The following SPAG16 variants were observed in gnomAD, a reference collection of about 807,000 sequenced individuals.
The protein encoded by SPAG16 is sperm-associated antigen 16 protein.
A neutral mutation model predicts 80.4 loss-of-function variants in SPAG16; 86 were observed. That is an observed-to-expected ratio of 1.07 (90% confidence interval 0.90 to 1.28). The LOEUF is 1.28. Ranked by LOEUF, SPAG16 falls within the 50% of genes most tolerant of loss-of-function variation. The pLI, the probability that SPAG16 is intolerant of heterozygous loss-of-function variation, is 0.00. For missense variants in SPAG16, 870 were observed against 765.3 expected, an observed-to-expected ratio of 1.14 and a Z score of -1.61; for synonymous variants, 294 against 265.9, an observed-to-expected ratio of 1.11 and a Z score of -1.03.
intron 11 of SPAG16, among the ~76,000 whole-genome samples, chr2:213,928,674 A>G (rs2078604759): frequency 6.6e-6 from 1 of 152,198 alleles, no homozygotes; most frequent in African/African-American, 2.4e-5. Context: ...TACTTACTCT[A>G]AAGCATTTAC....
chr2:214,379,207 C>A (rs1559256416), intron 15 of SPAG16, among the ~76,000 whole-genome samples: 1 of 152,130 alleles, frequency 6.6e-6, no homozygotes, highest in African/African-American at 2.4e-5. Flanking sequence ...TTATAAATAT[C>A]CAACATGACA....
intron 9 of SPAG16, among the ~76,000 whole-genome samples, chr2:213,433,525 A>C (rs2125495069): frequency 6.6e-6 from 1 of 152,348 alleles, no homozygotes; most frequent in East Asian, 1.9e-4. Flanking sequence ...AAAAATAGTT[A>C]GTAATATATT....
At chr2:213,870,686 A>G (rs1164485857) in intron 11 of SPAG16, among the ~76,000 whole-genome samples, 1 of 152,222 alleles carries the variant, frequency 6.6e-6, no homozygotes, top group East Asian at 1.9e-4. Context: ...TGATCTCAGA[A>G]TCAGCATTTG....
intron 15 of SPAG16, among the ~76,000 whole-genome samples, chr2:214,203,923 G>C (rs531131849): frequency 3.3e-5 from 5 of 152,292 alleles, no homozygotes; most frequent in African/African-American, 1.2e-4. Flanking sequence ...CCGGGAGGCT[G>C]GTTGTTGGAG....
intron 11 of SPAG16, among the ~76,000 whole-genome samples, chr2:213,907,235 T>A (rs980431491): frequency 4.6e-5 from 7 of 152,056 alleles, no homozygotes; most frequent in South Asian, 4.1e-4. Flanking sequence ...AATAGACATA[T>A]TTTAAAAGAA....
At chr2:213,351,219 A>G (rs1445447054) in intron 7 of SPAG16, among the ~76,000 whole-genome samples, 1 of 152,186 alleles carries the variant, frequency 6.6e-6, no homozygotes, top group East Asian at 1.9e-4. Context: ...GTTAGAAGAA[A>G]AAACTTAGCC....
chr2:213,724,191 G>T (rs199754840), intron 10 of SPAG16, among the ~76,000 whole-genome samples: 1 of 152,180 alleles, frequency 6.6e-6, no homozygotes, highest in East Asian at 1.9e-4. Flanking sequence ...AGCTCACTGG[G>T]ACGTTATAGA....
chr2:213,536,158 A>T (rs917489514), intron 10 of SPAG16, among the ~76,000 whole-genome samples: 2 of 152,014 alleles, frequency 1.3e-5, no homozygotes, highest in Admixed American at 1.3e-4. Context: ...TTTCAAGAGG[A>T]TGTTGATTTT....
intron 15 of SPAG16, among the ~76,000 whole-genome samples, chr2:214,375,076 A>T (rs969277094): frequency 1.3e-5 from 2 of 152,146 alleles, no homozygotes; most frequent in Non-Finnish European, 2.9e-5. Flanking sequence ...AGAACAGGGT[A>T]TCTCACCTTA....
chr2:213,934,805 A>T (rs2078918214), intron 12 of SPAG16, among the ~76,000 whole-genome samples: 1 of 152,188 alleles, frequency 6.6e-6, no homozygotes, highest in Non-Finnish European at 1.5e-5. Context: ...GAAGCCTATT[A>T]TTGAAACTGA....
At chr2:214,277,701 C>T (rs965105673) in intron 15 of SPAG16, among the ~76,000 whole-genome samples, 3 of 152,168 alleles carry the variant, frequency 2.0e-5, no homozygotes, top group Non-Finnish European at 4.4e-5. Context: ...GGGGAACCCA[C>T]ATGTATGAGG....
intron 15 of SPAG16, among the ~76,000 whole-genome samples, chr2:214,161,718 T>G (rs1425860593): frequency 6.6e-6 from 1 of 152,048 alleles, no homozygotes; most frequent in Non-Finnish European, 1.5e-5. Context: ...GAAAAATAGC[T>G]AACCCACGCT....
At chr2:213,891,567 G>T (rs975847857) in intron 11 of SPAG16, among the ~76,000 whole-genome samples, 1 of 152,038 alleles carries the variant, frequency 6.6e-6, no homozygotes, top group African/African-American at 2.4e-5. Context: ...AAGAAAAGAT[G>T]ATTAAAAGCA....
intron 15 of SPAG16, among the ~76,000 whole-genome samples, chr2:214,280,200 C>T (rs932864973): frequency 4.6e-5 from 7 of 151,916 alleles, no homozygotes; most frequent in African/African-American, 1.2e-4. Flanking sequence ...ATTCACCATG[C>T]GAACTAAAAA....
intron 5 of SPAG16, among the ~76,000 whole-genome samples, chr2:213,318,779 A>G (rs896039682): frequency 5.9e-5 from 9 of 152,110 alleles, no homozygotes; most frequent in Admixed American, 3.3e-4. Flanking sequence ...ACTTTTAAAT[A>G]TAAACTGCAC....
intron 7 of SPAG16, among the ~76,000 whole-genome samples, chr2:213,356,999 G>A (rs1373112894): frequency 3.3e-5 from 5 of 151,904 alleles, no homozygotes; most frequent in African/African-American, 7.3e-5. Flanking sequence ...CCTTAATTTC[G>A]TTATGTACCC....
chr2:213,712,227 A>C (rs2066028213), intron 10 of SPAG16, among the ~76,000 whole-genome samples: 1 of 152,194 alleles, frequency 6.6e-6, no homozygotes, highest in South Asian at 2.1e-4. Context: ...ACCAAGGCAA[A>C]TGTCCTCAAA....
At chr2:213,412,518 T>A (rs1196183980) in intron 9 of SPAG16, among the ~76,000 whole-genome samples, 1 of 152,238 alleles carries the variant, frequency 6.6e-6, no homozygotes, top group Non-Finnish European at 1.5e-5. Flanking sequence ...TGAATCAAAG[T>A]TTTATCCTAT....
intron 9 of SPAG16, among the ~76,000 whole-genome samples, chr2:213,420,487 A>C (rs2069518177): frequency 6.6e-6 from 1 of 152,238 alleles, no homozygotes; most frequent in East Asian, 1.9e-4. Context: ...ACTGGAAGGC[A>C]CATATACACA....
Sources: gnomAD v4.1 joint callset for allele counts (sites outside exome capture counted in the v4.1 genomes callset) on GRCh38, gnomAD v4.1.1 for gene constraint, MANE v1.5 for transcripts, NCBI Gene and HGNC (gene_info 2026-07-23, HGNC 2026-07-21) for gene names.